The following GNG4 variants were observed in gnomAD, a reference collection of about 807,000 sequenced individuals.
The protein encoded by GNG4 is guanine nucleotide-binding protein G(I)/G(S)/G(O) subunit gamma-4.
Under a neutral mutation model 5.8 loss-of-function variants are expected in GNG4, and 4 were observed. The ratio of observed to expected loss-of-function variants is 0.69; its 90% CI spans 0.34 to 1.57. The LOEUF (loss-of-function observed/expected upper bound fraction) is 1.57, where lower values mean the gene tolerates loss of function less well. Ranked by LOEUF, GNG4 falls within the 40% of genes most tolerant of loss-of-function variation. The probability of loss-of-function intolerance (pLI) is 0.06; values close to 1 mark genes in which losing one functional copy is unlikely to be tolerated. For synonymous variants in GNG4, 29 were observed against 32.9 expected (o/e 0.88, Z 0.41); for missense variants, 96 against 95.1 (o/e 1.01, Z -0.04).
At chr1:235,556,514 C>T (rs1216373912) in intron 3 of GNG4, among the ~76,000 whole-genome samples, 16 of 144,932 alleles carry the variant, frequency 1.1e-4, no homozygotes, top group African/African-American at 4.1e-4. Flanking sequence ...GCTGAGGTCG[C>T]GCCACTGCAC....
intron 1 of GNG4, among the ~76,000 whole-genome samples, chr1:235,600,514 A>C (rs61573138): frequency 0.024 from 3,672 of 151,898 alleles, 88 homozygotes; most frequent in African/African-American, 0.066. Context: ...ATCATAGCTC[A>C]CTGCAGCCTT....
chr1:235,585,382 G>C (rs926381844), intron 2 of GNG4, among the ~76,000 whole-genome samples: 1 of 152,144 alleles, frequency 6.6e-6, no homozygotes, highest in Non-Finnish European at 1.5e-5. Flanking sequence ...TGAGACTACA[G>C]GTGTGTGCCG....
At chr1:235,601,977 A>T (rs922826802) in intron 1 of GNG4, among the ~76,000 whole-genome samples, 5 of 152,166 alleles carry the variant, frequency 3.3e-5, no homozygotes, top group Admixed American at 3.3e-4. Context: ...ACCTACCAAA[A>T]TAGAAGCTCT....
intron 1 of GNG4, among the ~76,000 whole-genome samples, chr1:235,598,207 A>G (rs963492103): frequency 6.6e-6 from 1 of 152,182 alleles, no homozygotes; most frequent in African/African-American, 2.4e-5. Context: ...CCATGACCTT[A>G]GAGTTCTGTC....
At chr1:235,571,234 G>A (rs771328777) in intron 3 of GNG4, among the ~76,000 whole-genome samples, 1 of 152,122 alleles carries the variant, frequency 6.6e-6, no homozygotes, top group Non-Finnish European at 1.5e-5. Flanking sequence ...AAATAACGAG[G>A]CGTCAGCAAT....
chr1:235,589,581 C>T (rs1348711311), intron 2 of GNG4, among the ~76,000 whole-genome samples: 1 of 152,200 alleles, frequency 6.6e-6, no homozygotes, highest in African/African-American at 2.4e-5. Flanking sequence ...TGGGCTGGAA[C>T]CTGACCCCAA....
intron 1 of GNG4, chr1:235,615,675 C>T (rs1271268432): frequency 4.2e-5 from 9 of 212,346 alleles, no homozygotes; most frequent in Non-Finnish European, 2.1e-5. Context: ...AGATGTTTCT[C>T]AAACAGGAAA....
chr1:235,632,834 A>AC (rs749936262), intron 1 of GNG4, among the ~76,000 whole-genome samples: 1 of 152,248 alleles, frequency 6.6e-6, no homozygotes, highest in South Asian at 2.1e-4. Flanking sequence ...AAAAAGAAAA[A>AC]GAAAAAACGT....
chr1:235,574,888 A>T (rs1290862542), intron 3 of GNG4, among the ~76,000 whole-genome samples: 2 of 152,052 alleles, frequency 1.3e-5, no homozygotes, highest in African/African-American at 2.4e-5. Flanking sequence ...GCAGTGGCGC[A>T]ATCTCAGCTC....
intron 1 of GNG4, among the ~76,000 whole-genome samples, chr1:235,622,373 G>C (rs1270243797): frequency 6.6e-6 from 1 of 152,188 alleles, no homozygotes; most frequent in Non-Finnish European, 1.5e-5. Context: ...TCTGTCCTAA[G>C]CATGTGTAGC....
intron 3 of GNG4, among the ~76,000 whole-genome samples, chr1:235,564,400 A>C (rs1687142809): frequency 6.6e-6 from 1 of 152,186 alleles, no homozygotes; most frequent in Non-Finnish European, 1.5e-5. Flanking sequence ...CCCACTTAAC[A>C]AACTTGCACA....
In GNG4 at chr1:235,552,252, AGCACAGGT is replaced by A. The variant is rs762013586; in HGVS notation, c.100-23_100-16del. ...GCCTGGGAGACCTGTGAGGGCACAG[AGCACAGGT>A]GCTCAGTTAAAGGCCCCTTTGCAGA... On this transcript the variant is annotated splice_polypyrimidine_tract_variant and intron_variant, in intron 3 of 3. Coordinates refer to ENST00000391854, the MANE Select transcript of GNG4 (RefSeq NM_001098722.2). The A allele has an allele frequency of 2.1e-5, 34 of 1,613,370 alleles. 1 individual carries two copies. Among genetic ancestry groups the A allele is most frequent in the Non-Finnish European group, 9.3e-6 (11 of 1,179,632 alleles).
chr1:235,625,474 T>G (rs1344329648), intron 1 of GNG4, among the ~76,000 whole-genome samples: 3 of 152,192 alleles, frequency 2.0e-5, no homozygotes, highest in African/African-American at 4.8e-5. Flanking sequence ...GGGCTCACTC[T>G]TGGCACTGCA....
intron 1 of GNG4, among the ~76,000 whole-genome samples, chr1:235,611,074 C>T (rs918816938): frequency 3.3e-5 from 5 of 151,728 alleles, no homozygotes; most frequent in South Asian, 2.1e-4. Flanking sequence ...GGCGGCAGAG[C>T]GAGACTTCAT....
rs986395662 is a variant in GNG4 at position 235,550,089 on chromosome 1, G to C, written c.*2020C>G. Reference sequence around the variant, plus strand: ...ACAGAATAGAACAAACTTACACAAAGAGCTCTGCTCCCACTGTGTATTCTC... The same window carrying C: ...ACAGAATAGAACAAACTTACACAAACAGCTCTGCTCCCACTGTGTATTCTC... On this transcript the variant is annotated 3_prime_UTR_variant, in exon 4 of 4. Coordinates refer to ENST00000391854, the MANE Select transcript of GNG4 (RefSeq NM_001098722.2). The C allele has an allele frequency of 1.3e-5, 2 of 152,178 alleles. No homozygotes were observed. The highest frequency in any genetic ancestry group is 2.9e-5 in the Non-Finnish European group (2 of 68,046). 9.4% of individuals were successfully genotyped at this position (152,178 alleles called of 1,614,324 possible).
At chr1:235,606,536 A>G (rs1022107591) in intron 1 of GNG4, among the ~76,000 whole-genome samples, 2 of 152,028 alleles carry the variant, frequency 1.3e-5, no homozygotes, top group African/African-American at 2.4e-5. Context: ...AAAGGAAGGC[A>G]TATCTGGGCT....
intron 1 of GNG4, among the ~76,000 whole-genome samples, chr1:235,627,170 C>A (rs1163392932): frequency 1.3e-5 from 2 of 151,834 alleles, no homozygotes; most frequent in African/African-American, 4.8e-5. Flanking sequence ...GGTTTTCACA[C>A]CTGTGGAATA....
chr1:235,598,732 AT>A (rs34577116), intron 1 of GNG4, among the ~76,000 whole-genome samples: 69 of 146,506 alleles, frequency 4.7e-4, no homozygotes, highest in East Asian at 1.0e-3. Flanking sequence ...TTCCCAGGTG[AT>A]TTTTTTTTTT....
rs1419539906 is a variant in GNG4 at position 235,547,964 on chromosome 1, G to A, written c.*4145C>T. 6.6e-6 allele frequency: 1 copy of A among 152,120 alleles called. No individual in the cohort carries two copies. The highest frequency in any genetic ancestry group is 2.4e-5 in the African/African-American group (1 of 41,418). The allele number at this position is 152,120 out of a possible 1,614,324, so 9.4% of individuals were successfully genotyped here. Reference sequence around the variant, plus strand: ...CTATGGTGCATTTTTGCCTTATCTCGTTCAACACTAGGGTTGGTGAATACA... The same window carrying A: ...CTATGGTGCATTTTTGCCTTATCTCATTCAACACTAGGGTTGGTGAATACA... On this transcript the variant is annotated 3_prime_UTR_variant, in exon 4 of 4. Transcript: ENST00000391854.
Sources: allele counts gnomAD v4.1 joint callset (sites outside exome capture counted in the v4.1 genomes callset), GRCh38; gene constraint gnomAD v4.1.1; transcripts MANE v1.5; gene names NCBI Gene and HGNC (gene_info 2026-07-23, HGNC 2026-07-21).